FRMD3: variants seen among roughly 807,000 people sequenced by gnomAD.
FRMD3 encodes FERM domain containing 3.
Under a neutral mutation model 70.2 loss-of-function variants are expected in FRMD3, and 33 were observed. The observed-to-expected ratio is 0.47, with a 90% CI of 0.36 to 0.63. The LOEUF (loss-of-function observed/expected upper bound fraction) is 0.63, where lower values mean the gene tolerates loss of function less well. Ranked by LOEUF, FRMD3 falls within the 20% of genes least tolerant of loss-of-function variation. FRMD3 has a pLI of 0.00. For synonymous variants in FRMD3, 279 were observed against 255.9 expected (o/e 1.09, Z -0.86); for missense variants, 632 against 711.4 (o/e 0.89, Z 1.27).
At chr9:83,390,995 G>A (rs1825650870) in intron 1 of FRMD3, among the ~76,000 whole-genome samples, 1 of 152,190 alleles carries the variant, frequency 6.6e-6, no homozygotes, top group Admixed American at 6.5e-5. Context: ...AAAAAATGCT[G>A]CTGCAGACAA....
intron 1 of FRMD3, among the ~76,000 whole-genome samples, chr9:83,487,705 G>T (rs537381248): frequency 3.3e-5 from 5 of 152,278 alleles, no homozygotes; most frequent in African/African-American, 1.2e-4. Context: ...TGTGGAACAT[G>T]CAACAGTGAA....
chr9:83,478,918 C>A (rs1200033799), intron 1 of FRMD3, among the ~76,000 whole-genome samples: 1 of 152,014 alleles, frequency 6.6e-6, no homozygotes. Flanking sequence ...TTTGTCTGTA[C>A]TAGAAAGTGA....
chr9:83,507,799 A>G (rs1337698119), intron 1 of FRMD3, among the ~76,000 whole-genome samples: 1 of 143,640 alleles, frequency 7.0e-6, no homozygotes, highest in African/African-American at 2.5e-5. Context: ...CATTTTGTAT[A>G]TAAGTAGAAG....
intron 1 of FRMD3, among the ~76,000 whole-genome samples, chr9:83,434,876 G>T (rs1827089431): frequency 7.1e-6 from 1 of 141,736 alleles, no homozygotes; most frequent in African/African-American, 2.7e-5. Context: ...ACCCAGGCTG[G>T]AGTGCAGTGG....
At position 83,247,305 on chromosome 9, in the gene FRMD3, CA is replaced by C. The variant is rs1276023111; in HGVS notation, c.*612del. ...AATATTTTTAAAAACAAAGTAGCGC[CA>C]AAACATTAAAAAAATTCTGATATAC... On this transcript the variant is annotated 3_prime_UTR_variant, in exon 14 of 14. Coordinates refer to ENST00000304195, the MANE Select transcript of FRMD3 (RefSeq NM_174938.6). 2 of 983,156 alleles carry C rather than the reference CA, an allele frequency of 2.0e-6. No homozygotes were observed. The highest frequency in any genetic ancestry group is 2.4e-6 in the Non-Finnish European group (2 of 829,396). 60.9% of individuals were successfully genotyped at this position (983,156 alleles called of 1,614,324 possible).
the FRMD3 span, among the ~76,000 whole-genome samples, chr9:83,559,435 C>T: frequency 2.0e-5 from 3 of 152,262 alleles, no homozygotes; most frequent in South Asian, 2.1e-4. Context: ...CTTTCATATG[C>T]ACTGGGAAAT....
intron 13 of FRMD3, among the ~76,000 whole-genome samples, chr9:83,251,201 T>A (rs759124995): frequency 2.0e-5 from 3 of 152,132 alleles, no homozygotes; most frequent in Non-Finnish European, 2.9e-5. Context: ...TCACTGGTGA[T>A]ACCTACAGGG....
At chr9:83,399,930 T>A (rs944210377) in intron 1 of FRMD3, among the ~76,000 whole-genome samples, 1 of 152,138 alleles carries the variant, frequency 6.6e-6, no homozygotes. Flanking sequence ...AAGGCAAAGA[T>A]GTCCTCTCTT....
chr9:83,468,525 C>T (rs1028219116), intron 1 of FRMD3, among the ~76,000 whole-genome samples: 13 of 152,142 alleles, frequency 8.5e-5, no homozygotes, highest in South Asian at 2.1e-4. Context: ...GGTTCCTAAA[C>T]GGTTCATTTC....
chr9:83,582,192 C>T, the FRMD3 span, among the ~76,000 whole-genome samples: 2 of 152,134 alleles, frequency 1.3e-5, no homozygotes, highest in Non-Finnish European at 2.9e-5. Context: ...CCACCTCAAC[C>T]TCCCAAAGCC....
At chr9:83,548,793 G>A in the FRMD3 span, among the ~76,000 whole-genome samples, 3 of 152,048 alleles carry the variant, frequency 2.0e-5, no homozygotes, top group Non-Finnish European at 4.4e-5. Flanking sequence ...ACTAATGCAA[G>A]GTGTTAAAAT....
Position 83,410,805 on chromosome 9 carries a change from A to G in FRMD3, c.148-21097T>C, listed in dbSNP as rs548451538. ...GTTCCCTTTTCTCTGCAGCCTCACC[A>G]GCATCTGTTGTTTTTGACCTCCTAA... On this transcript the variant is annotated intron_variant, in intron 1 of 13. Coordinates refer to ENST00000304195, the MANE Select transcript of FRMD3 (RefSeq NM_174938.6). 3.3e-5 allele frequency among the ~76,000 whole-genome samples: 5 copies of G among 152,316 alleles called. No homozygotes were observed. The South Asian group carries it at 6.2e-4, about 19-fold the overall frequency.
intron 9 of FRMD3, 55 bp downstream of exon 9, chr9:83,310,430 G>T: frequency 7.2e-7 from 1 of 1,381,876 alleles, no homozygotes; most frequent in Non-Finnish European, 1.0e-6. Flanking sequence ...TTTTACTCCT[G>T]AATCTCTCTC....
At chr9:83,420,471 T>C (rs1227510554) in intron 1 of FRMD3, among the ~76,000 whole-genome samples, 1 of 152,206 alleles carries the variant, frequency 6.6e-6, no homozygotes. Flanking sequence ...TTCCTAGGAA[T>C]GGTGATTCCC....
chr9:83,296,642 G>A (rs1040877552), intron 12 of FRMD3, among the ~76,000 whole-genome samples: 1 of 152,182 alleles, frequency 6.6e-6, no homozygotes, highest in Non-Finnish European at 1.5e-5. Flanking sequence ...AACAGAAAGA[G>A]CATTCAAAGC....
intron 13 of FRMD3, among the ~76,000 whole-genome samples, chr9:83,256,925 A>T (rs1329019087): frequency 6.6e-6 from 1 of 152,192 alleles, no homozygotes; most frequent in East Asian, 1.9e-4. Context: ...TGTTGGTGGG[A>T]AGGTAAATTG....
chr9:83,276,545 A>G (rs570578473), intron 13 of FRMD3: 2 of 152,288 alleles, frequency 1.3e-5, no homozygotes, highest in Admixed American at 6.5e-5. Flanking sequence ...CTGTCATGTA[A>G]TCAAGAAGCT....
At chr9:83,509,563 C>T (rs1399696171) in intron 1 of FRMD3, among the ~76,000 whole-genome samples, 2 of 152,158 alleles carry the variant, frequency 1.3e-5, no homozygotes. Context: ...ATTGTTTCGT[C>T]CTGTGGTCCT....
chr9:83,417,694 C>T lies in FRMD3; in HGVS notation c.148-27986G>A, dbSNP rs557790784. On this transcript the variant is annotated intron_variant, in intron 1 of 13. Coordinates refer to ENST00000304195, the MANE Select transcript of FRMD3 (RefSeq NM_174938.6). Reference sequence around the variant, plus strand: ...AAATCTGGGAGTCAGCAAGCTGAAGCCATGGACTGAATAAAATGTTGCAAA... The same window carrying T: ...AAATCTGGGAGTCAGCAAGCTGAAGTCATGGACTGAATAAAATGTTGCAAA... Among the ~76,000 whole-genome samples the T allele has an allele frequency of 5.9e-5, 9 of 152,164 alleles. 1 individual carries two copies. In the South Asian group the frequency reaches 1.9e-3, roughly 32 times the overall value.
Sources: gnomAD v4.1 joint callset for allele counts (sites outside exome capture counted in the v4.1 genomes callset) on GRCh38, gnomAD v4.1.1 for gene constraint, MANE v1.5 for transcripts, NCBI Gene and HGNC (gene_info 2026-07-23, HGNC 2026-07-21) for gene names.